The following SEMA3A variants were observed in gnomAD, a reference collection of about 807,000 sequenced individuals.
SEMA3A encodes the protein semaphorin 3A.
A neutral mutation model predicts 97.9 loss-of-function variants in SEMA3A; 29 were observed. The ratio of observed to expected loss-of-function variants is 0.30; its 90% CI spans 0.22 to 0.40. SEMA3A has a LOEUF of 0.40. Among genes scored for constraint, SEMA3A ranks in the 10% least tolerant of loss-of-function variants. SEMA3A has a pLI of 1.00. For missense variants in SEMA3A, 763 were observed against 951.3 expected, an observed-to-expected ratio of 0.80 and a Z score of 2.60; for synonymous variants, 321 against 323.7, an observed-to-expected ratio of 0.99 and a Z score of 0.09.
intron 3 of SEMA3A, among the ~76,000 whole-genome samples, chr7:84,228,199 G>A (rs910396081): frequency 2.0e-5 from 3 of 151,782 alleles, no homozygotes; most frequent in Non-Finnish European, 4.4e-5. Context: ...ACTAAGCAAT[G>A]GGCAAATTGG....
intron 3 of SEMA3A, among the ~76,000 whole-genome samples, chr7:84,302,780 A>T (rs1339287645): frequency 6.6e-6 from 1 of 152,190 alleles, no homozygotes; most frequent in Non-Finnish European, 1.5e-5. Flanking sequence ...TGGGAGCCAG[A>T]TCTTACTACA....
At chr7:84,463,920 G>T (rs1340392414) in intron 1 of SEMA3A, among the ~76,000 whole-genome samples, 1 of 151,930 alleles carries the variant, frequency 6.6e-6, no homozygotes, top group Admixed American at 6.6e-5. Flanking sequence ...CCAGGGACAA[G>T]GTCCGTACCT....
At chr7:84,463,627 T>C (rs369972083) in intron 1 of SEMA3A, among the ~76,000 whole-genome samples, 5 of 152,116 alleles carry the variant, frequency 3.3e-5, no homozygotes, top group African/African-American at 7.2e-5. Context: ...AAGCTTCTTA[T>C]TGCATTCTTG....
chr7:84,095,387 A>ATATATATATATATATATG (rs1794744339), intron 4 of SEMA3A, among the ~76,000 whole-genome samples: 2 of 101,604 alleles, frequency 2.0e-5, no homozygotes, highest in African/African-American at 2.9e-5. Flanking sequence ...ATATATATAT[A>ATATATATATATATATATG]TTCCCATTGA....
intron 1 of SEMA3A, among the ~76,000 whole-genome samples, chr7:84,478,167 G>A (rs923005866): frequency 1.3e-5 from 2 of 152,094 alleles, no homozygotes; most frequent in South Asian, 2.1e-4. Context: ...AGTTCCCTGC[G>A]GGACTTGGAG....
chr7:84,050,053 T>G (rs575645907), intron 5 of SEMA3A, among the ~76,000 whole-genome samples: 359 of 151,744 alleles, frequency 2.4e-3, no homozygotes, highest in Non-Finnish European at 3.6e-3. Context: ...CTCATCATTT[T>G]TTATGGCTGC....
At chr7:84,315,490 A>G (rs1801474258) in intron 2 of SEMA3A, among the ~76,000 whole-genome samples, 1 of 152,196 alleles carries the variant, frequency 6.6e-6, no homozygotes, top group Non-Finnish European at 1.5e-5. Context: ...AAAATCATCT[A>G]GATGGTCTCT....
intron 6 of SEMA3A, among the ~76,000 whole-genome samples, chr7:84,033,134 C>A (rs1418469681): frequency 6.6e-6 from 1 of 152,004 alleles, no homozygotes; most frequent in Non-Finnish European, 1.5e-5. Flanking sequence ...TTGTGTGGTT[C>A]CAGTTAAAGA....
At chr7:84,343,280 A>G (rs1200630558) in intron 2 of SEMA3A, among the ~76,000 whole-genome samples, 1 of 152,190 alleles carries the variant, frequency 6.6e-6, no homozygotes, top group Non-Finnish European at 1.5e-5. Flanking sequence ...TTGTGAGTGT[A>G]TTGGATTCCA....
intron 2 of SEMA3A, among the ~76,000 whole-genome samples, chr7:84,343,727 C>T (rs1802228914): frequency 6.6e-6 from 1 of 152,030 alleles, no homozygotes; most frequent in Non-Finnish European, 1.5e-5. Flanking sequence ...TGACTGGGCA[C>T]AGGGGCTTAC....
At chr7:84,412,102 T>C (rs996783096) in intron 1 of SEMA3A, among the ~76,000 whole-genome samples, 6 of 152,158 alleles carry the variant, frequency 3.9e-5, no homozygotes, top group African/African-American at 1.4e-4. Flanking sequence ...CAGCTCAAAA[T>C]GAATGCCTTG....
At chr7:84,448,071 C>A (rs180703872) in intron 1 of SEMA3A, among the ~76,000 whole-genome samples, 1 of 152,190 alleles carries the variant, frequency 6.6e-6, no homozygotes, top group African/African-American at 2.4e-5. Context: ...ATTCACTTGG[C>A]CATACACCCT....
intron 4 of SEMA3A, among the ~76,000 whole-genome samples, chr7:84,084,460 T>C (rs1486724960): frequency 1.3e-5 from 2 of 151,958 alleles, no homozygotes; most frequent in Non-Finnish European, 2.9e-5. Context: ...GTATTACAAA[T>C]TTACATTCAG....
At chr7:84,296,614 AT>A (rs1339211415) in intron 3 of SEMA3A, among the ~76,000 whole-genome samples, 1 of 152,004 alleles carries the variant, frequency 6.6e-6, no homozygotes, top group South Asian at 2.1e-4. Context: ...ACTGCAATTG[AT>A]TTTTTTCTAA....
intron 5 of SEMA3A, among the ~76,000 whole-genome samples, chr7:84,057,749 AAGAT>A (rs935399961): frequency 1.9e-5 from 2 of 105,524 alleles, no homozygotes; most frequent in African/African-American, 7.7e-5. Flanking sequence ...GCGACAGAGC[AAGAT>A]AAATAAATAA....
At chr7:84,013,213 T>C (rs1254677079) in intron 7 of SEMA3A, among the ~76,000 whole-genome samples, 2 of 152,192 alleles carry the variant, frequency 1.3e-5, no homozygotes, top group African/African-American at 4.8e-5. Flanking sequence ...GAGTTAACTT[T>C]TTCATATTGC....
chr7:84,191,951 T>C (rs1469433694), intron 1 of SEMA3A, among the ~76,000 whole-genome samples: 7 of 151,928 alleles, frequency 4.6e-5, no homozygotes, highest in African/African-American at 1.4e-4. Context: ...TTTCCTGTTT[T>C]TACTTCTTTT....
chr7:84,411,970 T>G (rs1278064491), intron 1 of SEMA3A, among the ~76,000 whole-genome samples: 1 of 152,126 alleles, frequency 6.6e-6, no homozygotes, highest in Non-Finnish European at 1.5e-5. Context: ...AAATGTGCAC[T>G]TATTTTAACA....
intron 1 of SEMA3A, among the ~76,000 whole-genome samples, chr7:84,407,204 C>T (rs1804118633): frequency 1.3e-5 from 2 of 152,206 alleles, no homozygotes; most frequent in Admixed American, 1.3e-4. Context: ...TCAGCAAAGT[C>T]TCAGGATACA....
Sources: gnomAD v4.1 joint callset for allele counts (sites outside exome capture counted in the v4.1 genomes callset) on GRCh38, gnomAD v4.1.1 for gene constraint, MANE v1.5 for transcripts, NCBI Gene and HGNC (gene_info 2026-07-23, HGNC 2026-07-21) for gene names.